The following COL27A1 variants were observed in gnomAD, a reference collection of about 807,000 sequenced individuals.
The protein encoded by COL27A1 is collagen type XXVII alpha 1 chain.
A neutral mutation model predicts 251.3 loss-of-function variants in COL27A1; 106 were observed. That is an observed-to-expected ratio of 0.42 (90% CI 0.36 to 0.50). The LOEUF is 0.50. Among genes scored for constraint, COL27A1 ranks in the 20% least tolerant of loss-of-function variants. The pLI, the probability that COL27A1 is intolerant of heterozygous loss-of-function variation, is 0.00. For missense variants in COL27A1, 2,325 were observed against 2,522.8 expected (o/e 0.92, Z 1.68); for synonymous variants, 1,000 against 986.3 (o/e 1.01, Z -0.26).
At chr9:114,233,223 G>A (rs1191910395) in intron 16 of COL27A1, among the ~76,000 whole-genome samples, 1 of 152,236 alleles carries the variant, frequency 6.6e-6, no homozygotes, top group Non-Finnish European at 1.5e-5. Context: ...CACAGATGGA[G>A]AAACCAAGAC....
intron 3 of COL27A1, among the ~76,000 whole-genome samples, chr9:114,177,858 A>G (rs940484887): frequency 1.3e-5 from 2 of 152,032 alleles, no homozygotes; most frequent in African/African-American, 4.8e-5. Flanking sequence ...TGGCTGTTTT[A>G]TTTTATCAAA....
At chr9:114,278,973 G>A (rs1292660617) in intron 37 of COL27A1, among the ~76,000 whole-genome samples, 1 of 152,164 alleles carries the variant, frequency 6.6e-6, no homozygotes, top group African/African-American at 2.4e-5. Context: ...CCCACTGTAT[G>A]TATGCTCTCG....
chr9:114,254,384 G>T (rs1588781102), intron 27 of COL27A1, among the ~76,000 whole-genome samples: 1 of 151,040 alleles, frequency 6.6e-6, no homozygotes, highest in Admixed American at 6.6e-5. Context: ...GGGGGTGGGG[G>T]TGGGCTTGCT....
chr9:114,298,493 A>G (rs1828400037), intron 49 of COL27A1, among the ~76,000 whole-genome samples: 1 of 152,228 alleles, frequency 6.6e-6, no homozygotes, highest in African/African-American at 2.4e-5. Flanking sequence ...ATAAAACCTT[A>G]CATTTATGTC....
intron 3 of COL27A1, among the ~76,000 whole-genome samples, chr9:114,176,141 C>G (rs1827420399): frequency 6.6e-6 from 1 of 152,188 alleles, no homozygotes; most frequent in South Asian, 2.1e-4. Context: ...CACTTTTCCT[C>G]TCTGAACCTC....
At chr9:114,267,846 C>T (rs1260602349) in intron 34 of COL27A1, among the ~76,000 whole-genome samples, 1 of 152,204 alleles carries the variant, frequency 6.6e-6, no homozygotes, top group Non-Finnish European at 1.5e-5. Context: ...TGCCAGTGCC[C>T]TTCATTACCT....
intron 12 of COL27A1, among the ~76,000 whole-genome samples, chr9:114,213,743 C>T (rs1002898735): frequency 2.0e-5 from 3 of 152,162 alleles, no homozygotes; most frequent in Non-Finnish European, 2.9e-5. Context: ...AAGGCAAGAT[C>T]GATTATCCCC....
At chr9:114,302,319 T>G (rs986890328) in intron 56 of COL27A1, among the ~76,000 whole-genome samples, 3 of 152,094 alleles carry the variant, frequency 2.0e-5, no homozygotes, top group Non-Finnish European at 4.4e-5. Flanking sequence ...AGTTTTTGAG[T>G]TGCCTCTGAC....
chr9:114,310,503 A>T, intron 60 of COL27A1, 46 bp from the exon 61 acceptor site: 1 of 1,607,612 alleles, frequency 6.2e-7, no homozygotes, highest in South Asian at 1.1e-5. Context: ...GATGTATGAT[A>T]AGAATCACGA....
At chr9:114,159,374 C>T (rs1232163788) in intron 1 of COL27A1, among the ~76,000 whole-genome samples, 3 of 152,130 alleles carry the variant, frequency 2.0e-5, no homozygotes, top group Non-Finnish European at 2.9e-5. Flanking sequence ...TTCCCCACCT[C>T]GCCTTTCTTT....
intron 60 of COL27A1, among the ~76,000 whole-genome samples, chr9:114,310,169 G>A (rs761193175): frequency 1.3e-5 from 2 of 152,066 alleles, no homozygotes; most frequent in Admixed American, 1.3e-4. Flanking sequence ...ATTGGGTACC[G>A]TGTACACTAA....
chr9:114,281,729 C>T (rs1055984897), intron 37 of COL27A1, among the ~76,000 whole-genome samples: 3 of 152,224 alleles, frequency 2.0e-5, no homozygotes, highest in South Asian at 2.1e-4. Context: ...GTGGTAAGAG[C>T]CCTGGGCATG....
chr9:114,235,365 A>AT (rs1832299932), intron 16 of COL27A1, among the ~76,000 whole-genome samples: 1 of 152,134 alleles, frequency 6.6e-6, no homozygotes, highest in South Asian at 2.1e-4. Context: ...TGTTAGTGGC[A>AT]TTTTCAGCCA....
rs1272299980 is a variant in COL27A1 at position 114,290,215 on chromosome 9, AC to A, written c.4261-3del. On this transcript the variant is annotated splice_polypyrimidine_tract_variant and splice_region_variant and intron_variant, in intron 46 of 60. Transcript: ENST00000356083. This position sits in a 1 kb window ranked among gnomAD's most constrained non-coding sequence, Gnocchi z 4.6. ...AAATGCCCTCACCAGCTTTTTATGT[AC>A]CCCCCAGGGCCTGCAGGGGCTGCCA... 3.5e-6 allele frequency: 5 copies of A among 1,442,574 alleles called. No individual in the cohort carries two copies. Among genetic ancestry groups the A allele is most frequent in the Admixed American group, 4.1e-5 (2 of 48,626 alleles). The allele number at this position is 1,442,574 out of a possible 1,614,324, so 89.4% of individuals were successfully genotyped here.
chr9:114,259,996 G>C (rs1004523216), intron 28 of COL27A1, among the ~76,000 whole-genome samples: 2 of 20,762 alleles, frequency 9.6e-5, no homozygotes, highest in South Asian at 3.6e-3. Context: ...TCCTCTGGGT[G>C]GGGGGGGGGT....
intron 37 of COL27A1, among the ~76,000 whole-genome samples, chr9:114,280,621 C>A (rs1210823318): frequency 6.6e-6 from 1 of 152,174 alleles, no homozygotes; most frequent in African/African-American, 2.4e-5. Context: ...CGGGGCTAGT[C>A]CCATACTAGA....
In COL27A1 at chr9:114,178,310, G is replaced by A; in HGVS notation, c.1928G>A (p.Gly643Glu). The A allele has an allele frequency of 6.2e-7, 1 of 1,614,014 alleles. No homozygotes were observed. Among genetic ancestry groups the A allele is most frequent in the Non-Finnish European group, 8.5e-7 (1 of 1,179,980 alleles). ...CCTCAGGGTCCCCCTGGGCTACCTG[G>A]GCTACCTGGAATCCCTGGTGCACGT... ...CGLPGPPGLP[G>E]LPGIPGARGP... The change falls in exon 4 of 61, where the codon GGG becomes GAG. Residue 643 changes from glycine (G) to glutamate (E), a missense_variant. Gly to Glu is a moderately conservative substitution (Grantham distance 98). Coordinates refer to ENST00000356083, the MANE Select transcript of COL27A1 (RefSeq NM_032888.4).
rs371274187 is a variant in COL27A1 at position 114,162,765 on chromosome 9, C to T, written c.113C>T (p.Ser38Phe). 2 of 1,612,890 alleles carry T rather than the reference C, an allele frequency of 1.2e-6. No homozygotes were observed. Among genetic ancestry groups the T allele is most frequent in the East Asian group, 2.2e-5 (1 of 44,792 alleles). The change falls in exon 2 of 61, where the codon TCC (serine) becomes TTC (phenylalanine). Residue 38 changes from serine to phenylalanine, a missense_variant. This residue lies in a region of COL27A1 where 1,183 missense variants were observed against 1,144.1 expected (regional missense o/e 1.03). Coordinates refer to ENST00000356083, the MANE Select transcript of COL27A1 (RefSeq NM_032888.4). Reference protein sequence around the residue: ...ILVSFACHLASTQGAPEDVDI... With the variant: ...ILVSFACHLAFTQGAPEDVDI... ...GTCTCGTTTGCCTGTCACCTGGCCT[C>T]CACCCAAGGAGCTCCTGAAGGTAAT...
chr9:114,189,821 G>T (rs576998166), intron 5 of COL27A1, among the ~76,000 whole-genome samples: 20 of 151,946 alleles, frequency 1.3e-4, no homozygotes, highest in Non-Finnish European at 1.5e-4. Flanking sequence ...ATTGATTTTT[G>T]TATTTTTTTA....
Sources: allele counts gnomAD v4.1 joint callset (sites outside exome capture counted in the v4.1 genomes callset), GRCh38; gene constraint gnomAD v4.1.1; regional missense constraint gnomAD v4.1.1; non-coding constraint Gnocchi (gnomAD v3.1); transcripts MANE v1.5; gene names NCBI Gene and HGNC (gene_info 2026-07-23, HGNC 2026-07-21).